Variants in FMO4 observed in about 807,000 individuals in gnomAD.
FMO4 encodes the protein flavin containing dimethylaniline monoxygenase 4.
A neutral mutation model predicts 43.3 loss-of-function variants in FMO4; 38 were observed. That is an observed-to-expected ratio of 0.88 (90% CI 0.68 to 1.15). FMO4 has a LOEUF of 1.15. Ranked by LOEUF, FMO4 falls within the 50% of genes most tolerant of loss-of-function variation. FMO4 has a pLI of 0.00. For synonymous variants in FMO4, 224 were observed against 232.2 expected, an observed-to-expected ratio of 0.96 and a Z score of 0.32; for missense variants, 631 against 663.3, an observed-to-expected ratio of 0.95 and a Z score of 0.54.
Position 171,323,042 on chromosome 1 carries a change from A to G in FMO4, c.171A>G (p.Ser57=), listed in dbSNP as rs748107225. Residue 57 remains serine, a synonymous_variant, in exon 4 of 10, where the codon TCA becomes TCG. Transcript: ENST00000367749. The stretch of plus-strand genomic sequence containing the variant: ...ATGGGATGACCAGGGTCTATAAGTC[A>G]TTAGTGACAAATGTCTGTAAGGAAA... The part of the protein sequence containing the change: ...SKDGMTRVYK[S]LVTNVCKEMS... The G allele has an allele frequency of 1.9e-6, 3 of 1,613,562 alleles. No homozygotes were observed. The highest frequency in any genetic ancestry group is 2.5e-6 in the Non-Finnish European group (3 of 1,179,568).
chr1:171,334,808 G>A (rs1663055241), intron 8 of FMO4, 45 bp downstream of exon 8: 8 of 1,147,098 alleles, frequency 7.0e-6, no homozygotes, highest in Non-Finnish European at 9.9e-6. Context: ...TCGTAAAATT[G>A]GTGCCCTGCC....
At chr1:171,333,265 C>G (rs964940572) in intron 7 of FMO4, 1 of 218,450 alleles carries the variant, frequency 4.6e-6, no homozygotes, top group South Asian at 6.5e-5. Flanking sequence ...CTCCTGTCAC[C>G]CAGGCTGGAG....
chr1:171,340,154 T>G (rs1053520998), intron 9 of FMO4, among the ~76,000 whole-genome samples: 2 of 152,216 alleles, frequency 1.3e-5, no homozygotes, highest in African/African-American at 4.8e-5. Flanking sequence ...GGACAACTTA[T>G]TTAAAAATAT....
At chr1:171,314,560 A>C (rs1446304706) in intron 1 of FMO4, 147 bp downstream of exon 1, 2 of 152,172 alleles carry the variant, frequency 1.3e-5, no homozygotes, top group Non-Finnish European at 2.9e-5. Context: ...AAGCAAGAGA[A>C]TTAAGGAGAG....
chr1:171,337,129 G>C (rs45494694), intron 8 of FMO4, among the ~76,000 whole-genome samples: 254 of 152,258 alleles, frequency 1.7e-3, no homozygotes, highest in African/African-American at 5.9e-3. Context: ...CTGGGCCATA[G>C]AGGCATCTCT....
chr1:171,328,215 G>A (rs534846245), intron 5 of FMO4, among the ~76,000 whole-genome samples: 1 of 151,166 alleles, frequency 6.6e-6, no homozygotes, highest in African/African-American at 2.4e-5. Flanking sequence ...TAATTTTTTT[G>A]TATTTTTAAT....
intron 3 of FMO4, among the ~76,000 whole-genome samples, chr1:171,321,049 GA>G (rs538364458): frequency 5.9e-4 from 86 of 146,822 alleles, no homozygotes; most frequent in Non-Finnish European, 7.2e-4. Flanking sequence ...TATACTAGGA[GA>G]AAAAAAAAAT....
chr1:171,320,369 A>G (rs1045031040), intron 3 of FMO4, among the ~76,000 whole-genome samples: 8 of 152,176 alleles, frequency 5.3e-5, no homozygotes, highest in Non-Finnish European at 1.2e-4. Flanking sequence ...CAACCCCCAG[A>G]CATTGTTCAG....
At chr1:171,324,022 A>T in intron 4 of FMO4, 116 bp from the exon 5 acceptor site, 2 of 861,250 alleles carry the variant, frequency 2.3e-6, no homozygotes, top group Non-Finnish European at 3.5e-6. Flanking sequence ...CAATATTAAT[A>T]GACCTCCTGT....
intron 7 of FMO4, among the ~76,000 whole-genome samples, chr1:171,334,026 G>A (rs1035144815): frequency 6.6e-6 from 1 of 152,208 alleles, no homozygotes; most frequent in East Asian, 1.9e-4. Context: ...AGAGTTCCTT[G>A]CTAATTTCCT....
chr1:171,341,837 T>A lies in FMO4; in HGVS notation c.1675T>A (p.Ter559ArgextTer2), dbSNP rs1346965744. ...TTACCTAGTAAGTCTTTGGCGAGGA[T>A]GAACCTGATTGTTACAAGGGTTACA... Reference protein sequence around the residue: ...SPYLVSLWRG* With the variant: ...SPYLVSLWRGR Residue 559 changes from the stop codon to arginine (R), a stop_lost, in exon 10 of 10, where the codon TGA becomes AGA. Transcript: ENST00000367749. 1 of 1,607,108 alleles carries A rather than the reference T, an allele frequency of 6.2e-7. No homozygotes were observed. Among genetic ancestry groups the A allele is most frequent in the Non-Finnish European group, 8.5e-7 (1 of 1,176,292 alleles).
intron 4 of FMO4, 61 bp from the exon 5 acceptor site, chr1:171,324,077 C>T: frequency 7.0e-7 from 1 of 1,436,668 alleles, no homozygotes; most frequent in Admixed American, 2.2e-5. Context: ...GTTACCACAC[C>T]AGTCATTGCA....
intron 5 of FMO4, 107 bp downstream of exon 5, chr1:171,324,407 T>C (rs1662576038): frequency 1.2e-6 from 1 of 821,666 alleles, no homozygotes; most frequent in African/African-American, 1.7e-5. Context: ...GATGGCTTTA[T>C]ATTCATTCTC....
intron 3 of FMO4, among the ~76,000 whole-genome samples, chr1:171,321,129 T>C (rs1158138938): frequency 6.6e-6 from 1 of 152,202 alleles, no homozygotes; most frequent in East Asian, 1.9e-4. Context: ...CTGGTTTATG[T>C]AGCTTCTGCT....
intron 5 of FMO4, among the ~76,000 whole-genome samples, chr1:171,326,891 C>T (rs953156089): frequency 2.0e-5 from 3 of 152,178 alleles, no homozygotes; most frequent in African/African-American, 7.2e-5. Flanking sequence ...TTGACTTCTG[C>T]TGTTTTCCTG....
intron 2 of FMO4, among the ~76,000 whole-genome samples, chr1:171,316,555 A>AGGTCGCTTCAGTC (rs1460630736): frequency 6.6e-6 from 1 of 152,200 alleles, no homozygotes; most frequent in Admixed American, 6.5e-5. Flanking sequence ...AATATATCTA[A>AGGTCGCTTCAGTC]GGTTGCTTCA....
intron 3 of FMO4, among the ~76,000 whole-genome samples, chr1:171,322,117 A>G (rs955571564): frequency 2.0e-5 from 3 of 152,348 alleles, no homozygotes; most frequent in African/African-American, 4.8e-5. Context: ...TGATTCTTCT[A>G]TGAAGATTGA....
intron 5 of FMO4, among the ~76,000 whole-genome samples, chr1:171,329,460 G>A (rs879811730): frequency 3.3e-5 from 5 of 152,166 alleles, no homozygotes; most frequent in African/African-American, 7.2e-5. Flanking sequence ...GTTCCCTTAC[G>A]CTGGTGTCAG....
At chr1:171,327,342 A>G (rs1662711386) in intron 5 of FMO4, among the ~76,000 whole-genome samples, 1 of 152,208 alleles carries the variant, frequency 6.6e-6, no homozygotes, top group African/African-American at 2.4e-5. Flanking sequence ...GGAGTATAGT[A>G]TCATGCCTGA....
Sources: allele counts gnomAD v4.1 joint callset (sites outside exome capture counted in the v4.1 genomes callset), GRCh38; gene constraint gnomAD v4.1.1; transcripts MANE v1.5; gene names NCBI Gene and HGNC (gene_info 2026-07-23, HGNC 2026-07-21).